CHD9NB: variants seen among roughly 807,000 people sequenced by gnomAD.
CHD9NB encodes CHD9 neighbor.
chr16:53,039,288 G>T, the CHD9NB span, among the ~76,000 whole-genome samples: 2 of 152,098 alleles, frequency 1.3e-5, no homozygotes, highest in Non-Finnish European at 2.9e-5. Flanking sequence ...CAAACAAGTT[G>T]ATCAGGACGA....
the CHD9NB span, among the ~76,000 whole-genome samples, chr16:53,050,280 G>C: frequency 1.3e-5 from 2 of 152,164 alleles, no homozygotes; most frequent in Non-Finnish European, 2.9e-5. Context: ...GCCAAGGTAG[G>C]TGGATGGCTT....
chr16:53,049,990 C>G, the CHD9NB span, among the ~76,000 whole-genome samples: 4 of 152,042 alleles, frequency 2.6e-5, no homozygotes, highest in Non-Finnish European at 5.9e-5. Flanking sequence ...GATCACTTGA[C>G]GTCAGGAGTT....
the CHD9NB span, among the ~76,000 whole-genome samples, chr16:53,048,494 C>G: frequency 6.6e-6 from 1 of 152,108 alleles, no homozygotes; most frequent in Non-Finnish European, 1.5e-5. Context: ...CTTGCCAGGA[C>G]CCTAGGGGGG....
At chr16:53,047,114 C>T in the CHD9NB span, 1 of 152,082 alleles carries the variant, frequency 6.6e-6, no homozygotes, top group East Asian at 1.9e-4. Context: ...TTAGACATTA[C>T]CACCCACAAA....
chr16:53,052,187 T>C, the CHD9NB span, among the ~76,000 whole-genome samples: 8 of 143,832 alleles, frequency 5.6e-5, no homozygotes, highest in African/African-American at 2.1e-4. Context: ...TAGACCAGCC[T>C]GAGCAACATA....
the CHD9NB span, among the ~76,000 whole-genome samples, chr16:53,050,554 G>A: frequency 1.3e-5 from 2 of 152,176 alleles, no homozygotes; most frequent in South Asian, 4.1e-4. Flanking sequence ...TTTGGAAAGA[G>A]TCAATGAGAC....
At chr16:53,049,916 T>C in the CHD9NB span, among the ~76,000 whole-genome samples, 9 of 152,152 alleles carry the variant, frequency 5.9e-5, no homozygotes, top group Non-Finnish European at 1.3e-4. Flanking sequence ...AATAACTGCT[T>C]CCTGCGACCG....
At chr16:53,040,121 T>C in the CHD9NB span, among the ~76,000 whole-genome samples, 1 of 152,000 alleles carries the variant, frequency 6.6e-6, no homozygotes, top group Non-Finnish European at 1.5e-5. Flanking sequence ...ATAGAGTGCA[T>C]GGTCATGGTG....
the CHD9NB span, among the ~76,000 whole-genome samples, chr16:53,050,751 G>A: frequency 3.3e-5 from 5 of 152,066 alleles, no homozygotes; most frequent in Admixed American, 3.3e-4. Context: ...CGGGTACCCA[G>A]GCCCTTTCCC....
At chr16:53,037,426 C>T in the CHD9NB span, among the ~76,000 whole-genome samples, 1 of 152,074 alleles carries the variant, frequency 6.6e-6, no homozygotes, top group Non-Finnish European at 1.5e-5. Flanking sequence ...ACTTGCATAT[C>T]GGAGTTTCCA....
chr16:53,050,705 CA>C, the CHD9NB span, among the ~76,000 whole-genome samples: 1 of 152,090 alleles, frequency 6.6e-6, no homozygotes, highest in East Asian at 1.9e-4. Context: ...AGTCAGTCCA[CA>C]AGCCAGCCTT....
the CHD9NB span, among the ~76,000 whole-genome samples, chr16:53,049,585 C>T: frequency 6.6e-6 from 1 of 152,074 alleles, no homozygotes; most frequent in African/African-American, 2.4e-5. Flanking sequence ...GAAGATGTCA[C>T]ACTGGAAATA....
the CHD9NB span, among the ~76,000 whole-genome samples, chr16:53,041,784 A>AG: frequency 5.5e-3 from 840 of 152,160 alleles, 9 homozygotes; most frequent in African/African-American, 0.019. Flanking sequence ...TTGTCTTAAA[A>AG]AAAAAAAAAA....
the CHD9NB span, among the ~76,000 whole-genome samples, chr16:53,050,895 C>CTT: frequency 5.3e-5 from 8 of 149,716 alleles, no homozygotes; most frequent in Non-Finnish European, 8.9e-5. Flanking sequence ...TCCTCACCCT[C>CTT]TTTTTTTTTT....
the CHD9NB span, among the ~76,000 whole-genome samples, chr16:53,041,081 T>A: frequency 4.6e-5 from 7 of 151,862 alleles, no homozygotes; most frequent in African/African-American, 7.3e-5. Context: ...GATGGATGCA[T>A]GGATGATGGA....
the CHD9NB span, among the ~76,000 whole-genome samples, chr16:53,041,780 TAA>T: frequency 7.6e-5 from 11 of 144,696 alleles, no homozygotes; most frequent in East Asian, 1.2e-3. Context: ...AGAGTTGTCT[TAA>T]AAAAAAAAAA....
At chr16:53,043,986 T>G in the CHD9NB span, 1 of 398,688 alleles carries the variant, frequency 2.5e-6, no homozygotes, top group African/African-American at 2.1e-5. Context: ...GGTCCGACTC[T>G]GGAGAGAGGC....
the CHD9NB span, among the ~76,000 whole-genome samples, chr16:53,042,114 G>A: frequency 6.6e-6 from 1 of 152,024 alleles, no homozygotes; most frequent in Non-Finnish European, 1.5e-5. Context: ...AGGTTTTTAT[G>A]GCCAAAAAGA....
At chr16:53,044,413 G>A in the CHD9NB span, 27 of 372,234 alleles carry the variant, frequency 7.3e-5, no homozygotes, top group East Asian at 9.7e-4. Context: ...CATTCCACCA[G>A]AAGAATTCCC....
Sources: allele counts gnomAD v4.1 joint callset (sites outside exome capture counted in the v4.1 genomes callset), GRCh38; gene constraint gnomAD v4.1.1; transcripts MANE v1.5; gene names NCBI Gene and HGNC (gene_info 2026-07-23, HGNC 2026-07-21).